The following BFAR variants were observed in gnomAD, a reference collection of about 807,000 sequenced individuals.
BFAR encodes bifunctional apoptosis regulator, also known as RING finger protein 47.
A neutral mutation model predicts 54.4 loss-of-function variants in BFAR; 52 were observed. That is an observed-to-expected ratio of 0.96 (90% confidence interval 0.77 to 1.21). BFAR has a LOEUF of 1.21. BFAR is among the 50% of genes most tolerant of loss of function. The pLI, the probability that BFAR is intolerant of heterozygous loss-of-function variation, is 0.00. For synonymous variants in BFAR, 215 were observed against 204.3 expected, an observed-to-expected ratio of 1.05 and a Z score of -0.45; for missense variants, 571 against 534.0, an observed-to-expected ratio of 1.07 and a Z score of -0.68.
intron 2 of BFAR, among the ~76,000 whole-genome samples, chr16:14,647,463 G>A (rs745837908): frequency 5.3e-5 from 8 of 151,818 alleles, no homozygotes; most frequent in East Asian, 2.0e-4. Flanking sequence ...TGGGAGGACC[G>A]AGGCAGGCGG....
chr16:14,638,559 G>A (rs868622693), intron 1 of BFAR, among the ~76,000 whole-genome samples: 3 of 152,164 alleles, frequency 2.0e-5, no homozygotes, highest in African/African-American at 2.4e-5. Flanking sequence ...TAAAAATTAC[G>A]ATTTCTTTAT....
At chr16:14,657,238 T>G (rs979099742) in intron 5 of BFAR, among the ~76,000 whole-genome samples, 1 of 151,964 alleles carries the variant, frequency 6.6e-6, no homozygotes, top group South Asian at 2.1e-4. Flanking sequence ...ATTTGGTTTT[T>G]GTTTTTGTTT....
Position 14,648,718 on chromosome 16 carries a change from C to T in BFAR, c.468+126C>T, listed in dbSNP as rs375492632. ...TGATGTGACTCCATGTAATTTACTACGTACATTGAAATCTGCTGGGTTCTA... is the reference window on the plus strand; with the variant it reads ...TGATGTGACTCCATGTAATTTACTATGTACATTGAAATCTGCTGGGTTCTA... On this transcript the variant is annotated intron_variant, in intron 3 of 7. Coordinates refer to ENST00000261658, the MANE Select transcript of BFAR (RefSeq NM_016561.3). The T allele has an allele frequency of 1.6e-5, 11 of 703,100 alleles. No individual in the cohort carries two copies. The South Asian group carries it at 1.8e-4, about 12-fold the overall frequency. The allele number at this position is 703,100 out of a possible 1,614,324, so 43.6% of individuals were successfully genotyped here. A position where few individuals can be genotyped will look rare whatever the true frequency, so the allele number is the denominator to read the frequency against.
intron 1 of BFAR, among the ~76,000 whole-genome samples, chr16:14,633,841 C>G (rs1959345850): frequency 6.6e-6 from 1 of 152,048 alleles, no homozygotes; most frequent in Non-Finnish European, 1.5e-5. Context: ...TTAGTAGAGA[C>G]GGGGTTTCAC....
intron 1 of BFAR, among the ~76,000 whole-genome samples, chr16:14,640,701 C>T (rs1439213481): frequency 6.6e-6 from 1 of 152,154 alleles, no homozygotes; most frequent in Non-Finnish European, 1.5e-5. Flanking sequence ...GTGAGGCTCA[C>T]CTGCTTCCTT....
Position 14,662,032 on chromosome 16 carries a change from C to T in BFAR, c.924C>T (p.Asp308=). The change falls in exon 6 of 8, where the codon GAC becomes GAT. Residue 308 remains aspartate, a synonymous_variant. Transcript: ENST00000261658. ...FIHTICPLQE[D]SSGEDIVTKL... is the part of the protein sequence containing the mutation. Reference sequence around the variant, plus strand: ...ACACCATCTGCCCTCTGCAAGAAGACAGCTCTGGGGAGGACATCGTCACCA... The same window carrying T: ...ACACCATCTGCCCTCTGCAAGAAGATAGCTCTGGGGAGGACATCGTCACCA... 3 of 1,614,206 alleles carry T rather than the reference C, an allele frequency of 1.9e-6. No homozygotes were observed. Among genetic ancestry groups the T allele is most frequent in the Middle Eastern group, 1.6e-4 (1 of 6,062 alleles).
At chr16:14,647,416 C>G (rs1005199411) in intron 2 of BFAR, among the ~76,000 whole-genome samples, 4 of 152,038 alleles carry the variant, frequency 2.6e-5, no homozygotes, top group Non-Finnish European at 4.4e-5. Flanking sequence ...ATGTGCCAGG[C>G]TGGGTGCGGT....
intron 5 of BFAR, 70 bp downstream of exon 5, chr16:14,655,280 CAGGG>C: frequency 9.2e-7 from 1 of 1,082,290 alleles, no homozygotes. Context: ...TTTTTAATTT[CAGGG>C]TTTTCTTTTT....
At position 14,668,020 on chromosome 16, in the gene BFAR, G is replaced by A. The variant is rs369386389; in HGVS notation, c.*193G>A. 38 of 589,628 alleles carry A rather than the reference G, an allele frequency of 6.4e-5. No individual in the cohort carries two copies. The highest frequency in any genetic ancestry group is 5.7e-4 in the African/African-American group (31 of 53,954). 36.5% of individuals were successfully genotyped at this position (589,628 alleles called of 1,614,324 possible). A position where few individuals can be genotyped will look rare whatever the true frequency, so the allele number is the denominator to read the frequency against. Reference sequence around the variant, plus strand: ...GTGGCACGAGCAAGGACTGACATCCGCACAGGGAGGATTGTCTGTTTGGCT... The same window carrying A: ...GTGGCACGAGCAAGGACTGACATCCACACAGGGAGGATTGTCTGTTTGGCT... On this transcript the variant is annotated 3_prime_UTR_variant, in exon 8 of 8. Coordinates refer to ENST00000261658, the MANE Select transcript of BFAR (RefSeq NM_016561.3).
At position 14,650,827 on chromosome 16, in the gene BFAR, A is replaced by C. The variant is rs567606028; in HGVS notation, c.638+854A>C. ...TTCATGTGCAGATTCTTGCATGAAC[A>C]TGTATTTTCAATACTGTCTTGGAGT... On this transcript the variant is annotated intron_variant, in intron 4 of 7. Coordinates refer to ENST00000261658, the MANE Select transcript of BFAR (RefSeq NM_016561.3). Among the ~76,000 whole-genome samples the C allele has an allele frequency of 2.0e-4, 31 of 152,340 alleles. No individual in the cohort carries two copies. In the South Asian group the frequency reaches 4.3e-3, roughly 21 times the overall value.
Position 14,664,868 on chromosome 16 carries a change from G to C in BFAR, c.958-1G>C, listed in dbSNP as rs1960394732. On this transcript the variant is annotated splice_acceptor_variant, in intron 6 of 7. Coordinates refer to ENST00000261658, the MANE Select transcript of BFAR (RefSeq NM_016561.3). LOFTEE classifies it high-confidence loss of function. ...TTTGCGTCTGTGTGTTATTTTTTAA[G>C]GATCTTAAGGAGCCTACGTGGAAGC... 1 of 1,612,204 alleles carries C rather than the reference G, an allele frequency of 6.2e-7. No homozygotes were observed. The highest frequency in any genetic ancestry group is 1.3e-5 in the African/African-American group (1 of 74,836).
chr16:14,669,214 G>T lies in BFAR; in HGVS notation c.*1387G>T, dbSNP rs894662950. On this transcript the variant is annotated 3_prime_UTR_variant, in exon 8 of 8. Coordinates refer to ENST00000261658, the MANE Select transcript of BFAR (RefSeq NM_016561.3). ...AGAAATTACTTGAAATAAAAATAAA[G>T]ATTTCTATATAGATAAAACCTATAT... 3.3e-6 allele frequency: 1 copy of T among 307,446 alleles called. No individual in the cohort carries two copies. 19.0% of individuals were successfully genotyped at this position (307,446 alleles called of 1,614,324 possible).
At chr16:14,633,123 G>C (rs1398519311) in intron 1 of BFAR, 105 bp downstream of exon 1, 1 of 152,340 alleles carries the variant, frequency 6.6e-6, no homozygotes, top group Non-Finnish European at 1.5e-5. Flanking sequence ...AGCCTCCCCA[G>C]CCGGGTCGTA....
intron 1 of BFAR, among the ~76,000 whole-genome samples, chr16:14,635,533 G>T (rs1396719348): frequency 3.3e-5 from 5 of 151,940 alleles, no homozygotes; most frequent in Admixed American, 3.3e-4. Context: ...ATGAAAGAGG[G>T]CAGGCTCCAG....
rs944287094 is a variant in BFAR at position 14,667,971 on chromosome 16, T to C, written c.*144T>C. On this transcript the variant is annotated 3_prime_UTR_variant, in exon 8 of 8. Coordinates refer to ENST00000261658, the MANE Select transcript of BFAR (RefSeq NM_016561.3). ...CTTTGTATATCAAAAGCTCCAACCATGTCCTCTCCCCCTCAGCCTGTGGGT... is the reference window on the plus strand; with the variant it reads ...CTTTGTATATCAAAAGCTCCAACCACGTCCTCTCCCCCTCAGCCTGTGGGT... The C allele has an allele frequency of 3.6e-6, 3 of 831,872 alleles. No individual in the cohort carries two copies. The African/African-American group carries it at 5.1e-5, about 14-fold the overall frequency. 51.5% of individuals were successfully genotyped at this position (831,872 alleles called of 1,614,324 possible).
intron 6 of BFAR, among the ~76,000 whole-genome samples, chr16:14,662,337 T>C (rs1297565522): frequency 6.6e-6 from 1 of 152,090 alleles, no homozygotes; most frequent in East Asian, 1.9e-4. Flanking sequence ...CCAGAGATCC[T>C]TTTTTTCCCC....
chr16:14,660,471 G>T (rs1960257634), intron 5 of BFAR, among the ~76,000 whole-genome samples: 1 of 151,360 alleles, frequency 6.6e-6, no homozygotes, highest in Non-Finnish European at 1.5e-5. Flanking sequence ...ATTTTTAGTA[G>T]ACAGGGTTTC....
At chr16:14,659,216 T>C (rs1399400869) in intron 5 of BFAR, among the ~76,000 whole-genome samples, 1 of 150,488 alleles carries the variant, frequency 6.6e-6, no homozygotes, top group East Asian at 2.0e-4. Context: ...GCCTGTAGTA[T>C]GCAATTTGGT....
chr16:14,636,639 A>G (rs1189429600), intron 1 of BFAR, among the ~76,000 whole-genome samples: 1 of 152,174 alleles, frequency 6.6e-6, no homozygotes, highest in Non-Finnish European at 1.5e-5. Context: ...CTCAACTGCA[A>G]AGAGGCATGC....
Sources: allele counts gnomAD v4.1 joint callset (sites outside exome capture counted in the v4.1 genomes callset), GRCh38; gene constraint gnomAD v4.1.1; transcripts MANE v1.5; gene names NCBI Gene and HGNC (gene_info 2026-07-23, HGNC 2026-07-21).